SETBP1: variants seen among roughly 807,000 people sequenced by gnomAD.
SETBP1 encodes SET binding protein 1.
A neutral mutation model predicts 101.0 loss-of-function variants in SETBP1; 9 were observed. The ratio of observed to expected loss-of-function variants is 0.09; its 90% CI spans 0.05 to 0.16. The LOEUF (loss-of-function observed/expected upper bound fraction) is 0.16, where lower values mean the gene tolerates loss of function less well. SETBP1 is among the 10% of genes least tolerant of loss of function. The probability of loss-of-function intolerance (pLI) is 1.00; values close to 1 mark genes in which losing one functional copy is unlikely to be tolerated. For synonymous variants in SETBP1, 818 were observed against 788.5 expected (o/e 1.04, Z -0.63); for missense variants, 1,858 against 2,033.8 (o/e 0.91, Z 1.66).
intron 2 of SETBP1, among the ~76,000 whole-genome samples, chr18:44,799,828 G>T: frequency 6.6e-6 from 1 of 152,104 alleles, no homozygotes; most frequent in Non-Finnish European, 1.5e-5. Context: ...GTGATCTCCT[G>T]CTGGTGCCCC....
At chr18:44,708,326 GTATGAGC>G (rs1196668068) in intron 2 of SETBP1, among the ~76,000 whole-genome samples, 1 of 152,184 alleles carries the variant, frequency 6.6e-6, no homozygotes, top group Non-Finnish European at 1.5e-5. Flanking sequence ...ACTCCTGGGA[GTATGAGC>G]TTCTTCCTCC....
At chr18:44,957,789 A>T (rs2071522697) in intron 4 of SETBP1, among the ~76,000 whole-genome samples, 1 of 152,204 alleles carries the variant, frequency 6.6e-6, no homozygotes, top group African/African-American at 2.4e-5. Flanking sequence ...ATACAAAGGA[A>T]ATGTTTCAGG....
At chr18:44,920,791 A>G (rs2070562257) in intron 3 of SETBP1, among the ~76,000 whole-genome samples, 1 of 152,186 alleles carries the variant, frequency 6.6e-6, no homozygotes, top group African/African-American at 2.4e-5. Context: ...AGGCTTCCCC[A>G]CAATTTATGC....
intron 1 of SETBP1, among the ~76,000 whole-genome samples, chr18:44,696,653 G>C (rs1378830772): frequency 6.6e-6 from 1 of 152,194 alleles, no homozygotes; most frequent in Non-Finnish European, 1.5e-5. Flanking sequence ...TCATTTTGGA[G>C]TGTACCCATA....
chr18:44,849,591 C>A (rs114904539), intron 2 of SETBP1, among the ~76,000 whole-genome samples: 3 of 152,090 alleles, frequency 2.0e-5, no homozygotes, highest in African/African-American at 7.2e-5. Flanking sequence ...GGCAGTAGCA[C>A]ATCCGTGACG....
intron 4 of SETBP1, among the ~76,000 whole-genome samples, chr18:44,962,971 T>C (rs2071643250): frequency 6.6e-6 from 1 of 152,198 alleles, no homozygotes; most frequent in African/African-American, 2.4e-5. Context: ...GTTATGCTTT[T>C]CAAAGCGTAC....
chr18:45,011,299 GATTAA>G (rs2072832877), intron 4 of SETBP1, among the ~76,000 whole-genome samples: 1 of 152,160 alleles, frequency 6.6e-6, no homozygotes, highest in Non-Finnish European at 1.5e-5. Context: ...TCTGGTCAGT[GATTAA>G]ACAAATAAAC....
intron 2 of SETBP1, among the ~76,000 whole-genome samples, chr18:44,789,181 G>A (rs902677498): frequency 6.6e-6 from 1 of 152,132 alleles, no homozygotes. Flanking sequence ...TTTAGTGACA[G>A]TGGATAAGAG....
intron 2 of SETBP1, among the ~76,000 whole-genome samples, chr18:44,846,202 A>G (rs996110233): frequency 6.6e-6 from 1 of 152,208 alleles, no homozygotes; most frequent in African/African-American, 2.4e-5. Flanking sequence ...GAATTTTTTA[A>G]AAATAATCCA....
At chr18:44,686,333 T>G (rs1313810425) in intron 1 of SETBP1, among the ~76,000 whole-genome samples, 1 of 152,250 alleles carries the variant, frequency 6.6e-6, no homozygotes, top group East Asian at 1.9e-4. Flanking sequence ...GTTGTCAGAC[T>G]GGTTTCTTCA....
At chr18:44,800,838 T>C (rs987520536) in intron 2 of SETBP1, among the ~76,000 whole-genome samples, 5 of 152,184 alleles carry the variant, frequency 3.3e-5, no homozygotes, top group Non-Finnish European at 5.9e-5. Context: ...CACGTATGTT[T>C]ATTGCGGCAC....
At chr18:45,003,058 G>A (rs181646801) in intron 4 of SETBP1, among the ~76,000 whole-genome samples, 7 of 152,242 alleles carry the variant, frequency 4.6e-5, no homozygotes, top group African/African-American at 1.4e-4. Context: ...TTTCTCAAAA[G>A]GATACATCAC....
At chr18:45,025,563 A>G (rs950451096) in intron 4 of SETBP1, among the ~76,000 whole-genome samples, 1 of 152,172 alleles carries the variant, frequency 6.6e-6, no homozygotes, top group Admixed American at 6.5e-5. Flanking sequence ...TTCTGTATCT[A>G]CATGTGCATG....
chr18:44,943,829 T>C (rs1370664787), intron 3 of SETBP1, among the ~76,000 whole-genome samples: 1 of 119,200 alleles, frequency 8.4e-6, no homozygotes, highest in Non-Finnish European at 1.7e-5. Flanking sequence ...CTTTCTTTTT[T>C]CTTTTTTTTT....
intron 3 of SETBP1, among the ~76,000 whole-genome samples, chr18:44,915,708 A>G (rs1012701260): frequency 6.6e-6 from 1 of 152,204 alleles, no homozygotes; most frequent in Non-Finnish European, 1.5e-5. Context: ...GTGAAATGAA[A>G]TGCTTGGGAA....
At chr18:44,696,539 G>A (rs1006999742) in intron 1 of SETBP1, among the ~76,000 whole-genome samples, 2 of 152,216 alleles carry the variant, frequency 1.3e-5, no homozygotes, top group East Asian at 3.8e-4. Context: ...CAGTTTTGGA[G>A]GGGAGGGAGG....
chr18:44,727,797 T>G (rs1568112369), intron 2 of SETBP1, among the ~76,000 whole-genome samples: 1 of 152,238 alleles, frequency 6.6e-6, no homozygotes, highest in South Asian at 2.1e-4. Flanking sequence ...GAGATGCTGC[T>G]TCCCTTGTTG....
chr18:44,824,339 T>C (rs1175522272), intron 2 of SETBP1, among the ~76,000 whole-genome samples: 2 of 152,192 alleles, frequency 1.3e-5, no homozygotes, highest in Admixed American at 1.3e-4. Context: ...TCTACCCTGA[T>C]ACCTGCTTAT....
At chr18:44,709,744 G>A (rs1010294706) in intron 2 of SETBP1, among the ~76,000 whole-genome samples, 5 of 152,120 alleles carry the variant, frequency 3.3e-5, no homozygotes, top group Non-Finnish European at 5.9e-5. Flanking sequence ...ATGTTAGCTG[G>A]GGGGCAGCAC....
Sources: allele counts gnomAD v4.1 joint callset (sites outside exome capture counted in the v4.1 genomes callset), GRCh38; gene constraint gnomAD v4.1.1; transcripts MANE v1.5; gene names NCBI Gene and HGNC (gene_info 2026-07-23, HGNC 2026-07-21).